The following SSH2 variants were observed in gnomAD, a reference collection of about 807,000 sequenced individuals.
SSH2 encodes protein phosphatase Slingshot homolog 2.
Under a neutral mutation model 135.2 loss-of-function variants are expected in SSH2, and 37 were observed. The ratio of observed to expected loss-of-function variants is 0.27; its 90% CI spans 0.21 to 0.36. SSH2 has a LOEUF of 0.36. Among genes scored for constraint, SSH2 ranks in the 10% least tolerant of loss-of-function variants. The pLI is 1.00. For missense variants in SSH2, 1,408 were observed against 1,765.3 expected (o/e 0.80, Z 3.63); for synonymous variants, 628 against 646.2 (o/e 0.97, Z 0.43).
chr17:29,823,394 C>A lies in SSH2; in HGVS notation c.144+25455G>T, dbSNP rs141520540. 5.4e-3 allele frequency among the ~76,000 whole-genome samples: 824 copies of A among 152,238 alleles called. 24 individuals carry two copies. Among genetic ancestry groups the A allele is most frequent in the Admixed American group, 0.047 (715 of 15,300 alleles). On this transcript the variant is annotated intron_variant, in intron 2 of 15. Coordinates refer to ENST00000540801, the MANE Select transcript of SSH2 (RefSeq NM_001282129.2). ...TTCTTCACCCACCTCAGGCTTTGAC[C>A]CTTGCACTGGGCTAATGTTCCTCTG...
At chr17:29,781,473 C>CTTTTTTTT (rs541361010) in intron 3 of SSH2, among the ~76,000 whole-genome samples, 32 of 81,836 alleles carry the variant, frequency 3.9e-4, no homozygotes, top group Non-Finnish European at 6.3e-4. Context: ...CCTGTGTTTT[C>CTTTTTTTT]TTTTTTTTTT....
At chr17:29,865,323 AGGG>A (rs1858084989) in intron 1 of SSH2, among the ~76,000 whole-genome samples, 1 of 152,208 alleles carries the variant, frequency 6.6e-6, no homozygotes, top group African/African-American at 2.4e-5. Context: ...CAGAGCTTGG[AGGG>A]AAGAAAGAGA....
intron 1 of SSH2, among the ~76,000 whole-genome samples, chr17:29,860,240 C>A (rs1054010931): frequency 5.3e-5 from 8 of 152,136 alleles, no homozygotes; most frequent in Non-Finnish European, 1.2e-4. Flanking sequence ...ATAAGCATTC[C>A]ATTTTCTCCA....
At chr17:29,674,911 G>GC (rs1399157537) in intron 8 of SSH2, among the ~76,000 whole-genome samples, 3 of 152,214 alleles carry the variant, frequency 2.0e-5, no homozygotes, top group African/African-American at 2.4e-5. Flanking sequence ...TGGCCTATGG[G>GC]CCACGGGTTG....
intron 1 of SSH2, among the ~76,000 whole-genome samples, chr17:29,907,281 C>G (rs563627885): frequency 6.6e-6 from 1 of 151,826 alleles, no homozygotes; most frequent in South Asian, 2.1e-4. Context: ...AAATACTGCA[C>G]GTTCTCTCTT....
intron 4 of SSH2, among the ~76,000 whole-genome samples, chr17:29,696,447 A>C (rs1228593063): frequency 1.4e-5 from 2 of 146,926 alleles, no homozygotes; most frequent in Admixed American, 1.4e-4. Flanking sequence ...GTGTATATAT[A>C]TACTGTCATT....
intron 3 of SSH2, among the ~76,000 whole-genome samples, chr17:29,782,380 T>C (rs938685819): frequency 2.6e-5 from 4 of 152,204 alleles, no homozygotes; most frequent in African/African-American, 7.2e-5. Context: ...CCTGTCCTCA[T>C]GCTGCTCTCG....
At chr17:29,886,606 G>C (rs1029082162) in intron 1 of SSH2, among the ~76,000 whole-genome samples, 1 of 151,910 alleles carries the variant, frequency 6.6e-6, no homozygotes, top group Non-Finnish European at 1.5e-5. Flanking sequence ...AATTAGTCAG[G>C]CATGGTAGCG....
At chr17:29,689,049 T>C (rs2151088498) in intron 5 of SSH2, among the ~76,000 whole-genome samples, 1 of 151,978 alleles carries the variant, frequency 6.6e-6, no homozygotes, top group South Asian at 2.1e-4. Flanking sequence ...TCCCAGCTAC[T>C]CAGGAGGCTG....
chr17:29,738,550 A>AT (rs1567933036), intron 3 of SSH2, among the ~76,000 whole-genome samples: 1 of 137,370 alleles, frequency 7.3e-6, no homozygotes. Context: ...TTTCTTTTTT[A>AT]TTTTATTTTA....
intron 2 of SSH2, among the ~76,000 whole-genome samples, chr17:29,797,931 GT>G (rs557201577): frequency 2.6e-5 from 4 of 151,098 alleles, no homozygotes; most frequent in South Asian, 2.1e-4. Context: ...CTTTTGTGAA[GT>G]TTTTTTTTGG....
At chr17:29,760,404 T>C (rs905102964) in intron 3 of SSH2, among the ~76,000 whole-genome samples, 5 of 152,186 alleles carry the variant, frequency 3.3e-5, no homozygotes, top group African/African-American at 1.2e-4. Flanking sequence ...GGATGGAACC[T>C]GAATAGGAAA....
At chr17:29,702,649 C>T (rs555550563) in intron 4 of SSH2, among the ~76,000 whole-genome samples, 1 of 152,222 alleles carries the variant, frequency 6.6e-6, no homozygotes, top group South Asian at 2.1e-4. Context: ...AGCGAAACTC[C>T]ATCTCAAAAA....
At chr17:29,779,461 G>A (rs895770774) in intron 3 of SSH2, among the ~76,000 whole-genome samples, 1 of 152,026 alleles carries the variant, frequency 6.6e-6, no homozygotes, top group Admixed American at 6.6e-5. Context: ...ATTTATAAAC[G>A]GCAGATAGTT....
At chr17:29,795,572 T>G (rs960748390) in intron 2 of SSH2, among the ~76,000 whole-genome samples, 2 of 152,128 alleles carry the variant, frequency 1.3e-5, no homozygotes, top group Admixed American at 6.5e-5. Context: ...CTGGAAAGTT[T>G]GCAAGAATGA....
intron 3 of SSH2, among the ~76,000 whole-genome samples, chr17:29,713,974 T>G (rs2039529574): frequency 6.6e-6 from 1 of 152,182 alleles, no homozygotes; most frequent in African/African-American, 2.4e-5. Flanking sequence ...GTGGAGAGTT[T>G]TGTTTTTGAG....
chr17:29,722,201 G>A (rs896420837), intron 3 of SSH2, among the ~76,000 whole-genome samples: 7 of 151,680 alleles, frequency 4.6e-5, no homozygotes, highest in Non-Finnish European at 8.8e-5. Context: ...TTGAACCCGG[G>A]AGGTGGAGGT....
At chr17:29,724,202 AT>A (rs1320921354) in intron 3 of SSH2, among the ~76,000 whole-genome samples, 12 of 152,202 alleles carry the variant, frequency 7.9e-5, no homozygotes, top group Non-Finnish European at 1.5e-4. Flanking sequence ...CTGTACTCAT[AT>A]AATCTAACTG....
At chr17:29,855,838 T>C (rs1165470005) in intron 1 of SSH2, 1 of 172,278 alleles carries the variant, frequency 5.8e-6, no homozygotes, top group Non-Finnish European at 1.2e-5. Flanking sequence ...ACAGTTATTT[T>C]GAAGAGCCCC....
Sources: allele counts gnomAD v4.1 joint callset (sites outside exome capture counted in the v4.1 genomes callset), GRCh38; gene constraint gnomAD v4.1.1; transcripts MANE v1.5; gene names NCBI Gene and HGNC (gene_info 2026-07-23, HGNC 2026-07-21).